The following ZNF821 variants were observed in gnomAD, a reference collection of about 807,000 sequenced individuals.
The protein encoded by ZNF821 is zinc finger protein 821.
ZNF821 carries 16 observed loss-of-function variants against 44.3 expected under a neutral mutation model. The ratio of observed to expected loss-of-function variants is 0.36; its 90% CI spans 0.24 to 0.55. The LOEUF is 0.55. ZNF821 is among the 20% of genes least tolerant of loss of function. The probability of loss-of-function intolerance (pLI) is 0.86; values close to 1 mark genes in which losing one functional copy is unlikely to be tolerated. For missense variants in ZNF821, 436 were observed against 547.6 expected, an observed-to-expected ratio of 0.80 and a Z score of 2.03; for synonymous variants, 204 against 197.6, an observed-to-expected ratio of 1.03 and a Z score of -0.27.
intron 1 of ZNF821, 139 bp from the exon 2 acceptor site, chr16:71,883,412 C>A (rs1312143146): frequency 2.9e-6 from 1 of 348,050 alleles, no homozygotes; most frequent in East Asian, 7.6e-5. Flanking sequence ...AGGTAAATTC[C>A]CAGGAATTAC....
intron 6 of ZNF821, among the ~76,000 whole-genome samples, chr16:71,862,518 A>G (rs1172607939): frequency 1.3e-5 from 2 of 152,194 alleles, no homozygotes; most frequent in African/African-American, 2.4e-5. Flanking sequence ...GGGGCGCCAG[A>G]GCCCTCTTCA....
intron 3 of ZNF821, among the ~76,000 whole-genome samples, chr16:71,871,812 T>C (rs1340381734): frequency 1.3e-5 from 2 of 152,108 alleles, no homozygotes; most frequent in Non-Finnish European, 2.9e-5. Context: ...AAAATACTGT[T>C]TGTCTGCAAT....
At chr16:71,886,700 A>G (rs2036856621), upstream of ZNF821, among the ~76,000 whole-genome samples, 1 of 152,230 alleles carries the variant, frequency 6.6e-6, no homozygotes, top group African/African-American at 2.4e-5. Flanking sequence ...TCATGCTTTT[A>G]AAGTGTACAA....
At chr16:71,890,046 T>G (rs1345972650) in intron 1 of ZNF821, among the ~76,000 whole-genome samples, 1 of 152,186 alleles carries the variant, frequency 6.6e-6, no homozygotes, top group East Asian at 1.9e-4. Context: ...AGATAATGTG[T>G]TTATAGGTGC....
chr16:71,875,761 G>A (rs547606883), intron 3 of ZNF821, among the ~76,000 whole-genome samples: 15 of 151,788 alleles, frequency 9.9e-5, no homozygotes, highest in South Asian at 8.3e-4. Context: ...CACGCCTGGC[G>A]CTAATTTTTA....
intron 1 of ZNF821, chr16:71,890,754 C>T (rs1450963015): frequency 1.3e-5 from 2 of 149,298 alleles, no homozygotes; most frequent in Non-Finnish European, 2.9e-5. Context: ...TCATGCTCCT[C>T]CCCTTCCTGC....
intron 2 of ZNF821, chr16:71,880,540 A>G (rs2036315682): frequency 6.6e-6 from 1 of 152,352 alleles, no homozygotes; most frequent in South Asian, 2.1e-4. Flanking sequence ...AAATGTCTCA[A>G]ATAGGCATCT....
chr16:71,859,854 G>A lies in ZNF821; in HGVS notation c.*164C>T, dbSNP rs2033629279. The A allele has an allele frequency of 3.9e-6, 3 of 775,948 alleles. No homozygotes were observed. The highest frequency in any genetic ancestry group is 6.0e-6 in the Non-Finnish European group (3 of 498,374). The allele number at this position is 775,948 out of a possible 1,614,324, so 48.1% of individuals were successfully genotyped here. On this transcript the variant is annotated 3_prime_UTR_variant, in exon 8 of 8. Coordinates refer to ENST00000425432, the MANE Select transcript of ZNF821 (RefSeq NM_001201552.2). ...AGGTCCCTCCTGACCCCATCATCCT[G>A]TTCCCATATGCAAGGGCTGCTCAGG...
At chr16:71,876,403 C>T (rs1021466003) in intron 3 of ZNF821, among the ~76,000 whole-genome samples, 13 of 151,896 alleles carry the variant, frequency 8.6e-5, no homozygotes, top group Non-Finnish European at 1.8e-4. Context: ...GGGGTTTCAA[C>T]ATCTTGGCCA....
chr16:71,875,602 C>G (rs1188642590), intron 3 of ZNF821, among the ~76,000 whole-genome samples: 4 of 152,040 alleles, frequency 2.6e-5, no homozygotes, highest in African/African-American at 9.7e-5. Context: ...TACAGGCACC[C>G]ACCACCACGC....
chr16:71,863,450 G>A (rs551338264), intron 6 of ZNF821, among the ~76,000 whole-genome samples: 15 of 131,326 alleles, frequency 1.1e-4, no homozygotes, highest in African/African-American at 3.8e-4. Context: ...CACCCTAGCT[G>A]AAGCATGATC....
At chr16:71,865,505 C>G (rs1450285169) in intron 4 of ZNF821, among the ~76,000 whole-genome samples, 1 of 152,202 alleles carries the variant, frequency 6.6e-6, no homozygotes, top group Non-Finnish European at 1.5e-5. Context: ...CTAATCTCTT[C>G]TTTCCCAGCA....
chr16:71,886,826 C>G (rs2036858417), upstream of ZNF821, among the ~76,000 whole-genome samples: 1 of 152,196 alleles, frequency 6.6e-6, no homozygotes, highest in African/African-American at 2.4e-5. Flanking sequence ...TCACCATTCT[C>G]CCTTCCTCCA....
intron 4 of ZNF821, among the ~76,000 whole-genome samples, chr16:71,865,682 C>T (rs919919123): frequency 2.6e-5 from 4 of 152,204 alleles, no homozygotes; most frequent in Non-Finnish European, 4.4e-5. Flanking sequence ...CAGTGGTATC[C>T]GACTCACTCG....
intron 2 of ZNF821, chr16:71,881,678 T>A (rs751415783): frequency 6.6e-6 from 1 of 152,226 alleles, no homozygotes; most frequent in South Asian, 2.1e-4. Flanking sequence ...GCTCTATTAA[T>A]ATTTTTAAAA....
At position 71,860,344 on chromosome 16, in the gene ZNF821, G is replaced by A. The variant is rs1220726356; in HGVS notation, c.913C>T (p.Arg305Cys). 1 of 1,611,844 alleles carries A rather than the reference G, an allele frequency of 6.2e-7. No individual in the cohort carries two copies. Among genetic ancestry groups the A allele is most frequent in the Non-Finnish European group, 8.5e-7 (1 of 1,180,012 alleles). ...VRRMRDREAK[R>C]LQRMQETDEQ... ...TCTGTCTCCTGCATGCGCTGCAAGC[G>A]CTTGGCTTCACGGTCCCTCATGCGC... Residue 305 changes from arginine (R) to cysteine (C), a missense_variant, in exon 8 of 8, where the codon CGC (arginine) becomes TGC (cysteine). Arg to Cys is a radical substitution (Grantham distance 180, BLOSUM62 -3). Around this residue, in one of 5 missense-constraint regions of ZNF821, gnomAD observed 72 missense variants for 133.3 expected, o/e 0.54. Coordinates refer to ENST00000425432, the MANE Select transcript of ZNF821 (RefSeq NM_001201552.2). The surrounding 1 kb of genome is among the most constrained non-coding windows in gnomAD (Gnocchi z 7.3).
upstream of ZNF821, chr16:71,884,314 G>C (rs921761810): frequency 6.6e-6 from 1 of 152,002 alleles, no homozygotes; most frequent in African/African-American, 2.4e-5. Context: ...TGGAGAGGAG[G>C]GGCTCCGGGG....
upstream of ZNF821, among the ~76,000 whole-genome samples, chr16:71,886,982 T>C (rs1450166445): frequency 6.6e-6 from 1 of 152,264 alleles, no homozygotes; most frequent in Non-Finnish European, 1.5e-5. Context: ...TAATAGGTTT[T>C]CAAGGTTCAT....
At chr16:71,891,689 C>T (rs2036886441) in intron 1 of ZNF821, among the ~76,000 whole-genome samples, 1 of 152,178 alleles carries the variant, frequency 6.6e-6, no homozygotes, top group Non-Finnish European at 1.5e-5. Flanking sequence ...GCCTGGCCAA[C>T]ATGGTGAAAC....
Sources: gnomAD v4.1 joint callset for allele counts (sites outside exome capture counted in the v4.1 genomes callset) on GRCh38, gnomAD v4.1.1 for gene constraint, gnomAD v4.1.1 regional missense constraint, Gnocchi (gnomAD v3.1) non-coding constraint, MANE v1.5 for transcripts, NCBI Gene and HGNC (gene_info 2026-07-23, HGNC 2026-07-21) for gene names.